The following GALK2 variants were observed in gnomAD, a reference collection of about 807,000 sequenced individuals.
The protein encoded by GALK2 is galactokinase 2, also known as N-acetylgalactosamine kinase.
GALK2 carries 36 observed loss-of-function variants against 52.4 expected under a neutral mutation model. That is an observed-to-expected ratio of 0.69 (90% CI 0.53 to 0.91). The LOEUF is 0.91. GALK2 is among the 40% of genes least tolerant of loss of function. The pLI, the probability that GALK2 is intolerant of heterozygous loss-of-function variation, is 0.00. For missense variants in GALK2, 579 were observed against 559.1 expected (o/e 1.04, Z -0.36); for synonymous variants, 176 against 199.1 (o/e 0.88, Z 0.98).
chr15:49,206,132 A>G lies in GALK2; in HGVS notation c.142+4882A>G, dbSNP rs138477871. 2.3e-4 allele frequency among the ~76,000 whole-genome samples: 35 copies of G among 152,216 alleles called. No individual in the cohort carries two copies. The East Asian group carries it at 4.8e-3, about 21-fold the overall frequency. ...TAGTACCACGCTGTTTTGGTTGACT[A>G]TGGCCTAATGGTATAGTTTGAAATC... On this transcript the variant is annotated intron_variant, in intron 2 of 9. Transcript: ENST00000560031.
intron 1 of GALK2, among the ~76,000 whole-genome samples, chr15:49,174,577 C>T (rs1288263999): frequency 6.6e-6 from 1 of 152,158 alleles, no homozygotes; most frequent in Non-Finnish European, 1.5e-5. Context: ...AACTCCTGAC[C>T]TCGTGATCTG....
At position 49,315,649 on chromosome 15, in the gene GALK2, C is replaced by A. The variant is rs576254225; in HGVS notation, c.968-3955C>A. On this transcript the variant is annotated intron_variant, in intron 8 of 9. Transcript: ENST00000560031. Reference sequence around the variant, plus strand: ...AAAACAGATGCCCTTTCTGCCCTTTCCCTTGTTGTCTGAGTTACTACCGTT... The same window carrying A: ...AAAACAGATGCCCTTTCTGCCCTTTACCTTGTTGTCTGAGTTACTACCGTT... Among the ~76,000 whole-genome samples the A allele has an allele frequency of 2.3e-3, 344 of 152,330 alleles. 2 individuals carry two copies. The highest frequency in any genetic ancestry group is 3.1e-3 in the Non-Finnish European group (213 of 68,026).
intron 9 of GALK2, among the ~76,000 whole-genome samples, chr15:49,322,159 G>C (rs998951518): frequency 6.6e-6 from 1 of 152,004 alleles, no homozygotes; most frequent in Non-Finnish European, 1.5e-5. Context: ...TTTTCATTTT[G>C]TTTGTTTTTG....
At chr15:49,307,534 G>A (rs1029172131) in intron 8 of GALK2, among the ~76,000 whole-genome samples, 1 of 152,162 alleles carries the variant, frequency 6.6e-6, no homozygotes, top group Non-Finnish European at 1.5e-5. Flanking sequence ...AAGGTAGAGG[G>A]TAGAATGGAA....
rs369854223 is a variant in GALK2, at chr15:49,283,602, G to T, written c.640G>T (p.Asp214Tyr). Residue 214 changes from aspartate (D) to tyrosine (Y), a missense_variant, in exon 7 of 10, where the codon GAT (aspartate) becomes TAT (tyrosine). By Grantham distance (160) the Asp-to-Tyr change is radical. Coordinates refer to ENST00000560031, the MANE Select transcript of GALK2 (RefSeq NM_002044.4). Reference protein sequence around the residue: ...LIEFSPLRATDVKLPSGAVFV... With the variant: ...LIEFSPLRATYVKLPSGAVFV... The stretch of plus-strand genomic sequence containing the variant: ...AGAATTTAGTCCTCTGAGGGCAACC[G>T]ATGTAAAACTCCCAAGTGGAGCAGT... The T allele has an allele frequency of 8.7e-6, 14 of 1,613,778 alleles. No individual in the cohort carries two copies. The East Asian group carries it at 3.1e-4, about 36-fold the overall frequency.
chr15:49,197,465 A>G (rs905431809), intron 1 of GALK2, among the ~76,000 whole-genome samples: 3 of 152,172 alleles, frequency 2.0e-5, no homozygotes, highest in Admixed American at 1.3e-4. Flanking sequence ...GATTTATTGG[A>G]TTTTGGAATA....
chr15:49,194,686 C>T (rs2087060630), intron 1 of GALK2, among the ~76,000 whole-genome samples: 1 of 150,554 alleles, frequency 6.6e-6, no homozygotes, highest in Non-Finnish European at 1.5e-5. Context: ...ACCTCTGCTT[C>T]CCAAGTTTAA....
chr15:49,289,615 C>G (rs2141810844), intron 7 of GALK2, among the ~76,000 whole-genome samples: 1 of 152,142 alleles, frequency 6.6e-6, no homozygotes, highest in Non-Finnish European at 1.5e-5. Flanking sequence ...GCTTTCTTGC[C>G]CATGGTGGGA....
chr15:49,328,481 G>C lies in GALK2; in HGVS notation c.*322G>C. 6.4e-7 allele frequency: 1 copy of C among 1,551,828 alleles called. No homozygotes were observed. ...CTCTTAATACTGATTACATGGATTG[G>C]ACTTGAATTAAATATATTGTTACAA... is the stretch of plus-strand genomic sequence containing the variant. On this transcript the variant is annotated 3_prime_UTR_variant, in exon 10 of 10. Transcript: ENST00000560031.
At chr15:49,168,647 G>A (rs565878825), upstream of GALK2, among the ~76,000 whole-genome samples, 28 of 151,924 alleles carry the variant, frequency 1.8e-4, no homozygotes, top group African/African-American at 6.3e-4. Context: ...GAACCTGGGA[G>A]GTGGAGGTTG....
In GALK2 at chr15:49,299,738, T is replaced by TTTCTTTCTTTCTTTCTTTC. The variant is rs2034844329; in HGVS notation, c.967+7201_967+7202insTTCTTTCTTTCTTTCTTTC. On this transcript the variant is annotated intron_variant, in intron 8 of 9. Coordinates refer to ENST00000560031, the MANE Select transcript of GALK2 (RefSeq NM_002044.4). ...TCTTTCTTTCTTTCTTTCTTTCTTTTCTTTCTTTCTTTCTTTCTTTCTTTC... is the reference window on the plus strand; with the variant it reads ...TCTTTCTTTCTTTCTTTCTTTCTTTTTTCTTTCTTTCTTTCTTTCCTTTCTTTCTTTCTTTCTTTCTTTC... Among the ~76,000 whole-genome samples the TTTCTTTCTTTCTTTCTTTC allele has an allele frequency of 4.8e-4, 37 of 76,452 alleles. 1 individual carries two copies. Among genetic ancestry groups the TTTCTTTCTTTCTTTCTTTC allele is most frequent in the African/African-American group, 1.7e-3 (33 of 19,384 alleles). 50.2% of individuals were successfully genotyped at this position (76,452 alleles called of 152,430 possible).
At chr15:49,180,969 TC>T (rs1304730948) in intron 1 of GALK2, among the ~76,000 whole-genome samples, 2 of 152,134 alleles carry the variant, frequency 1.3e-5, no homozygotes, top group African/African-American at 2.4e-5. Flanking sequence ...CTCTGTATTG[TC>T]CCCCTGTATT....
At chr15:49,250,218 G>A (rs1165389340) in intron 5 of GALK2, among the ~76,000 whole-genome samples, 1 of 152,094 alleles carries the variant, frequency 6.6e-6, no homozygotes, top group Non-Finnish European at 1.5e-5. Context: ...AGTGGTCATG[G>A]GAAGAGTAAG....
intron 2 of GALK2, among the ~76,000 whole-genome samples, chr15:49,203,879 C>G (rs2088013408): frequency 6.6e-6 from 1 of 152,136 alleles, no homozygotes; most frequent in South Asian, 2.1e-4. Context: ...CTTTAGGAAG[C>G]CGAGGAGGGT....
At chr15:49,179,020 ACCT>A (rs967372797) in intron 1 of GALK2, among the ~76,000 whole-genome samples, 9 of 151,462 alleles carry the variant, frequency 5.9e-5, no homozygotes, top group African/African-American at 2.2e-4. Context: ...CACCATCATA[ACCT>A]CGTTTTCTAA....
At chr15:49,156,731 A>C (rs2084468340) in intron 1 of GALK2, 2 of 543,110 alleles carry the variant, frequency 3.7e-6, no homozygotes, top group Non-Finnish European at 6.9e-6. Flanking sequence ...AACTGCTGAG[A>C]AAATAGCGCA....
At chr15:49,183,286 C>T (rs114957643) in intron 1 of GALK2, among the ~76,000 whole-genome samples, 10,332 of 151,940 alleles carry the variant, frequency 0.068, 742 homozygotes, top group African/African-American at 0.17. Context: ...ACTTTTTTGA[C>T]ATGGGCATTT....
intron 5 of GALK2, among the ~76,000 whole-genome samples, chr15:49,248,765 C>T (rs928861111): frequency 3.9e-5 from 6 of 152,080 alleles, no homozygotes; most frequent in Admixed American, 1.3e-4. Flanking sequence ...TCTTTGCAGA[C>T]GTTGTTTGGG....
intron 8 of GALK2, among the ~76,000 whole-genome samples, chr15:49,316,636 C>T (rs201250412): frequency 7.4e-6 from 1 of 134,364 alleles, no homozygotes; most frequent in Non-Finnish European, 1.5e-5. Flanking sequence ...AATAAATAAA[C>T]AAGAAAAATC....
Sources: gnomAD v4.1 joint callset for allele counts (sites outside exome capture counted in the v4.1 genomes callset) on GRCh38, gnomAD v4.1.1 for gene constraint, MANE v1.5 for transcripts, NCBI Gene and HGNC (gene_info 2026-07-23, HGNC 2026-07-21) for gene names.